PPP1R16B: variants seen among roughly 807,000 people sequenced by gnomAD.
PPP1R16B encodes protein phosphatase 1 regulatory subunit 16B, also known as protein phosphatase 1 regulatory inhibitor subunit 16B.
Under a neutral mutation model 61.7 loss-of-function variants are expected in PPP1R16B, and 14 were observed. The ratio of observed to expected loss-of-function variants is 0.23; its 90% CI spans 0.15 to 0.35. The LOEUF is 0.35. Ranked by LOEUF, PPP1R16B falls within the 10% of genes least tolerant of loss-of-function variation. PPP1R16B has a pLI of 1.00. For synonymous variants in PPP1R16B, 266 were observed against 305.3 expected, an observed-to-expected ratio of 0.87 and a Z score of 1.34; for missense variants, 547 against 752.5, an observed-to-expected ratio of 0.73 and a Z score of 3.19.
intron 1 of PPP1R16B, among the ~76,000 whole-genome samples, chr20:38,822,358 G>A (rs1375496880): frequency 6.6e-6 from 1 of 151,994 alleles, no homozygotes; most frequent in African/African-American, 2.4e-5. Context: ...GTTTTAGCTA[G>A]TAAGTACAGC....
At chr20:38,852,768 T>TTTGGG (rs1601257219) in intron 2 of PPP1R16B, among the ~76,000 whole-genome samples, 6 of 62,336 alleles carry the variant, frequency 9.6e-5, no homozygotes, top group Admixed American at 2.3e-4. Flanking sequence ...TTTTTTTTTT[T>TTTGGG]GCGGGGGGTG....
intron 1 of PPP1R16B, among the ~76,000 whole-genome samples, chr20:38,810,994 A>G (rs1052363024): frequency 9.2e-5 from 14 of 152,022 alleles, no homozygotes; most frequent in Non-Finnish European, 8.8e-5. Flanking sequence ...CATTTTGGAG[A>G]TGGGTCACAG....
chr20:38,819,128 A>G (rs938242700), intron 1 of PPP1R16B, among the ~76,000 whole-genome samples: 6 of 152,220 alleles, frequency 3.9e-5, no homozygotes, highest in Admixed American at 3.9e-4. Flanking sequence ...CATGGGCTTC[A>G]GTGTCAAAGC....
At position 38,806,301 on chromosome 20, in the gene PPP1R16B, C is replaced by T. The variant is rs932902295; in HGVS notation, c.-102+509C>T. 6.6e-6 allele frequency among the ~76,000 whole-genome samples: 1 copy of T among 152,074 alleles called. No homozygotes were observed. The highest frequency in any genetic ancestry group is 1.5e-5 in the Non-Finnish European group (1 of 67,976). On this transcript the variant is annotated intron_variant, in intron 1 of 10. Coordinates refer to ENST00000299824, the MANE Select transcript of PPP1R16B (RefSeq NM_015568.4). This position sits in a 1 kb window ranked among gnomAD's most constrained non-coding sequence, Gnocchi z 4.5. Reference sequence around the variant, plus strand: ...GCAGCGGCAGGGCGCAGAGAGCGCTCCTGCCCGGGCGGGAAAGATCCCCAA... The same window carrying T: ...GCAGCGGCAGGGCGCAGAGAGCGCTTCTGCCCGGGCGGGAAAGATCCCCAA...
At chr20:38,867,527 C>T (rs1469724736) in intron 2 of PPP1R16B, among the ~76,000 whole-genome samples, 3 of 152,188 alleles carry the variant, frequency 2.0e-5, no homozygotes, top group Admixed American at 2.0e-4. Context: ...AATACACTAC[C>T]TACTTAAAAG....
chr20:38,862,320 C>T (rs1197803037), intron 2 of PPP1R16B, among the ~76,000 whole-genome samples: 1 of 152,176 alleles, frequency 6.6e-6, no homozygotes, highest in Non-Finnish European at 1.5e-5. Context: ...TGATATAAGG[C>T]AGAAACTATA....
At chr20:38,811,645 G>A (rs974806807) in intron 1 of PPP1R16B, among the ~76,000 whole-genome samples, 1 of 152,138 alleles carries the variant, frequency 6.6e-6, no homozygotes, top group East Asian at 1.9e-4. Context: ...TCATCCACTA[G>A]ACCTGTGGTT....
At chr20:38,894,996 G>C (rs1211837038) in intron 3 of PPP1R16B, among the ~76,000 whole-genome samples, 3 of 152,234 alleles carry the variant, frequency 2.0e-5, no homozygotes, top group Non-Finnish European at 4.4e-5. Context: ...ATTTCAGGGG[G>C]AGTCTTGGTT....
intron 1 of PPP1R16B, among the ~76,000 whole-genome samples, chr20:38,823,112 A>C (rs760619847): frequency 1.4e-4 from 22 of 152,204 alleles, no homozygotes; most frequent in Non-Finnish European, 2.6e-4. Context: ...GAACAGAAGT[A>C]ATGCTCTAAA....
intron 1 of PPP1R16B, among the ~76,000 whole-genome samples, chr20:38,807,600 C>G (rs1036651268): frequency 6.6e-6 from 1 of 152,148 alleles, no homozygotes; most frequent in Non-Finnish European, 1.5e-5. Context: ...CCTGCTCACA[C>G]GGCCCTTCCC....
chr20:38,905,765 G>A (rs933544453), intron 6 of PPP1R16B, among the ~76,000 whole-genome samples: 2 of 152,212 alleles, frequency 1.3e-5, no homozygotes, highest in African/African-American at 4.8e-5. Context: ...CCACAGGGGA[G>A]AAGAATTCAG....
chr20:38,847,760 G>A (rs1283715377), intron 2 of PPP1R16B, among the ~76,000 whole-genome samples: 1 of 152,160 alleles, frequency 6.6e-6, no homozygotes, highest in Non-Finnish European at 1.5e-5. Flanking sequence ...TGAGAAAGGG[G>A]GAGAATGACA....
At chr20:38,902,864 AC>A in intron 6 of PPP1R16B, 72 bp downstream of exon 6, 1 of 1,597,654 alleles carries the variant, frequency 6.3e-7, no homozygotes, top group African/African-American at 1.3e-5. Context: ...GTGGGGACCA[AC>A]CCTGTACCCT....
intron 2 of PPP1R16B, among the ~76,000 whole-genome samples, chr20:38,865,295 CT>C (rs869304041): frequency 6.3e-4 from 9 of 14,206 alleles, no homozygotes; most frequent in East Asian, 1.2e-3. Flanking sequence ...CTTTTTTTTT[CT>C]TTTTTTTTTT....
intron 2 of PPP1R16B, among the ~76,000 whole-genome samples, chr20:38,843,913 A>G (rs988871513): frequency 4.6e-5 from 7 of 152,228 alleles, no homozygotes; most frequent in African/African-American, 1.7e-4. Flanking sequence ...AAGTAAATAA[A>G]GAAAATCTTA....
chr20:38,858,324 C>T (rs1045286851), intron 2 of PPP1R16B, among the ~76,000 whole-genome samples: 3 of 152,036 alleles, frequency 2.0e-5, no homozygotes, highest in Non-Finnish European at 4.4e-5. Flanking sequence ...GCTGGAGAAA[C>T]TGATGGGGGA....
chr20:38,857,303 A>G (rs903797496), intron 2 of PPP1R16B, among the ~76,000 whole-genome samples: 4 of 152,236 alleles, frequency 2.6e-5, no homozygotes, highest in African/African-American at 9.6e-5. Context: ...TGCCATGTCA[A>G]GGATCATCTA....
chr20:38,907,725 G>C lies in PPP1R16B; in HGVS notation c.899-81G>C. 1 of 1,523,466 alleles carries C rather than the reference G, an allele frequency of 6.6e-7. No individual in the cohort carries two copies. Among genetic ancestry groups the C allele is most frequent in the Non-Finnish European group, 9.0e-7 (1 of 1,114,466 alleles). The allele number at this position is 1,523,466 out of a possible 1,614,324, so 94.4% of individuals were successfully genotyped here. A position where few individuals can be genotyped will look rare whatever the true frequency, so the allele number is the denominator to read the frequency against. ...TTGGAGTTTTCAGTGGGTTGGGGTG[G>C]CAGCTCCTCTGGTCTGGAGCACCCT... On this transcript the variant is annotated intron_variant, in intron 8 of 10. Coordinates refer to ENST00000299824, the MANE Select transcript of PPP1R16B (RefSeq NM_015568.4). The surrounding 1 kb of genome is among the most constrained non-coding windows in gnomAD (Gnocchi z 4.5).
At chr20:38,856,541 C>T (rs888477336) in intron 2 of PPP1R16B, among the ~76,000 whole-genome samples, 1 of 152,128 alleles carries the variant, frequency 6.6e-6, no homozygotes, top group African/African-American at 2.4e-5. Context: ...CTCTCAGCCC[C>T]TCAAAGGATG....
Sources: allele counts gnomAD v4.1 joint callset (sites outside exome capture counted in the v4.1 genomes callset), GRCh38; gene constraint gnomAD v4.1.1; non-coding constraint Gnocchi (gnomAD v3.1); transcripts MANE v1.5; gene names NCBI Gene and HGNC (gene_info 2026-07-23, HGNC 2026-07-21).